EFR3B: variants seen among roughly 807,000 people sequenced by gnomAD.
EFR3B encodes protein EFR3 homolog B.
In EFR3B, 64 loss-of-function variants were observed where a neutral mutation model predicts 104.7. The observed-to-expected ratio is 0.61, with a 90% CI of 0.50 to 0.75. The LOEUF (loss-of-function observed/expected upper bound fraction) is 0.75, where lower values mean the gene tolerates loss of function less well. Among genes scored for constraint, EFR3B ranks in the 30% least tolerant of loss-of-function variants. EFR3B has a pLI of 0.00. For synonymous variants in EFR3B, 385 were observed against 417.9 expected, an observed-to-expected ratio of 0.92 and a Z score of 0.96; for missense variants, 750 against 1,078.5, an observed-to-expected ratio of 0.70 and a Z score of 4.27.
At chr2:25,103,233 C>A (rs1451395356) in intron 3 of EFR3B, among the ~76,000 whole-genome samples, 3 of 152,224 alleles carry the variant, frequency 2.0e-5, no homozygotes, top group Non-Finnish European at 2.9e-5. Context: ...AGGACAGAGC[C>A]TTTCCACAGT....
chr2:25,114,845 G>A lies in EFR3B; in HGVS notation c.364-6828G>A, dbSNP rs749678448. 1.1e-4 allele frequency among the ~76,000 whole-genome samples: 16 copies of A among 152,188 alleles called. No homozygotes were observed. Among genetic ancestry groups the A allele is most frequent in the Non-Finnish European group, 1.6e-4 (11 of 68,040 alleles). On this transcript the variant is annotated intron_variant, in intron 4 of 22. Coordinates refer to ENST00000403714, the MANE Select transcript of EFR3B (RefSeq NM_014971.2). The surrounding 1 kb of genome is among the most constrained non-coding windows in gnomAD (Gnocchi z 4.0). ...AGTTTACCCTGGGCCAAGTACATGC[G>A]ACCTGTAGATCCCCTGCCCCAGAGT... is the stretch of plus-strand genomic sequence containing the variant.
intron 4 of EFR3B, among the ~76,000 whole-genome samples, chr2:25,104,733 A>C (rs1199121568): frequency 6.6e-6 from 1 of 152,238 alleles, no homozygotes; most frequent in Non-Finnish European, 1.5e-5. Flanking sequence ...CTTCTGGCTC[A>C]GTTCTGCCCT....
chr2:25,128,268 C>G lies in EFR3B; in HGVS notation c.571C>G (p.Gln191Glu). The G allele has an allele frequency of 6.4e-7, 1 of 1,551,844 alleles. No individual in the cohort carries two copies. Among genetic ancestry groups the G allele is most frequent in the Non-Finnish European group, 8.7e-7 (1 of 1,147,044 alleles). ...DELQANIWDPQHMDKIVPSLL... is the reference protein window; with the variant it reads ...DELQANIWDPEHMDKIVPSLL... ...ACTGCAGGCCAATATCTGGGACCCA[C>G]AGCACATGGATAAGATCGTTCCATC... The change falls in exon 6 of 23, where the codon CAG (glutamine) becomes GAG (glutamate). Residue 191 changes from glutamine to glutamate, a missense_variant. Gln to Glu is a conservative substitution (Grantham distance 29). Coordinates refer to ENST00000403714, the MANE Select transcript of EFR3B (RefSeq NM_014971.2).
chr2:25,063,766 G>A (rs895390023), intron 1 of EFR3B, among the ~76,000 whole-genome samples: 7 of 152,222 alleles, frequency 4.6e-5, no homozygotes, highest in Non-Finnish European at 8.8e-5. Context: ...TTTGATGACA[G>A]TGTGGCAGTA....
chr2:25,145,951 C>T (rs1353051305), intron 19 of EFR3B: 1 of 152,096 alleles, frequency 6.6e-6, no homozygotes, highest in Non-Finnish European at 1.5e-5. Flanking sequence ...CAGCGTTGTA[C>T]ATTCTGTGGG....
Position 25,042,501 on chromosome 2 carries a change from G to A in EFR3B, c.7+182G>A, listed in dbSNP as rs1342209406. 1 of 1,207,866 alleles carries A rather than the reference G, an allele frequency of 8.3e-7. No individual in the cohort carries two copies. The highest frequency in any genetic ancestry group is 1.0e-6 in the Non-Finnish European group (1 of 972,780). 74.8% of individuals were successfully genotyped at this position (1,207,866 alleles called of 1,614,324 possible). On this transcript the variant is annotated intron_variant, in intron 1 of 22. Coordinates refer to ENST00000403714, the MANE Select transcript of EFR3B (RefSeq NM_014971.2). The surrounding 1 kb of genome is among the most constrained non-coding windows in gnomAD (Gnocchi z 5.4). ...TGCGCTGCGAGGACAAAGATGCCTCGGGCCGGGGACCCTGGGGTCCTCTCC... is the reference window on the plus strand; with the variant it reads ...TGCGCTGCGAGGACAAAGATGCCTCAGGCCGGGGACCCTGGGGTCCTCTCC...
At chr2:25,125,802 G>T (rs940053889) in intron 5 of EFR3B, among the ~76,000 whole-genome samples, 1 of 152,190 alleles carries the variant, frequency 6.6e-6, no homozygotes, top group Non-Finnish European at 1.5e-5. Flanking sequence ...CAAAAAAATA[G>T]CCAGGCGTGG....
At chr2:25,125,047 G>C (rs1242456609) in intron 5 of EFR3B, among the ~76,000 whole-genome samples, 1 of 152,214 alleles carries the variant, frequency 6.6e-6, no homozygotes, top group Non-Finnish European at 1.5e-5. Context: ...AACGGAGTGA[G>C]ACTCCGTGTC....
intron 1 of EFR3B, among the ~76,000 whole-genome samples, chr2:25,069,206 C>A (rs935570145): frequency 6.6e-6 from 1 of 152,160 alleles, no homozygotes; most frequent in African/African-American, 2.4e-5. Context: ...TTGCGCCTGG[C>A]CTGTACTGGA....
chr2:25,075,003 C>G (rs1181890367), intron 1 of EFR3B, among the ~76,000 whole-genome samples: 1 of 152,134 alleles, frequency 6.6e-6, no homozygotes, highest in East Asian at 1.9e-4. Context: ...GTCCTTTGTA[C>G]CCTTCACCCA....
intron 1 of EFR3B, among the ~76,000 whole-genome samples, chr2:25,055,987 G>A (rs79228952): frequency 0.02 from 3,018 of 152,304 alleles, 91 homozygotes; most frequent in African/African-American, 0.069. Flanking sequence ...TTGGTATGTA[G>A]TAGTAAGAGT....
intron 3 of EFR3B, among the ~76,000 whole-genome samples, chr2:25,097,601 A>T (rs1267137027): frequency 1.3e-5 from 2 of 152,144 alleles, no homozygotes; most frequent in African/African-American, 4.8e-5. Flanking sequence ...GGTGTTTAGC[A>T]TGGGGACGGC....
intron 1 of EFR3B, among the ~76,000 whole-genome samples, chr2:25,071,907 T>C (rs1668509401): frequency 6.6e-6 from 1 of 152,234 alleles, no homozygotes; most frequent in Non-Finnish European, 1.5e-5. Flanking sequence ...CTCCTGCCTG[T>C]GGCTTTCTCC....
chr2:25,127,707 CT>C (rs1035092262), intron 5 of EFR3B, among the ~76,000 whole-genome samples: 3 of 152,200 alleles, frequency 2.0e-5, no homozygotes, highest in Admixed American at 2.0e-4. Flanking sequence ...AGTTTCCCCT[CT>C]GGTTAACCCT....
At chr2:25,138,973 A>C (rs1040688168) in intron 15 of EFR3B, 86 bp from the exon 16 acceptor site, 1 of 1,500,016 alleles carries the variant, frequency 6.7e-7, no homozygotes, top group Non-Finnish European at 9.0e-7. Flanking sequence ...TTTCTAAAGA[A>C]GATTGGGAAG....
chr2:25,124,950 C>G (rs777213947), intron 5 of EFR3B, among the ~76,000 whole-genome samples: 2 of 151,702 alleles, frequency 1.3e-5, no homozygotes, highest in Non-Finnish European at 2.9e-5. Context: ...CCCAGCTACT[C>G]AGGTGGCTGA....
intron 1 of EFR3B, among the ~76,000 whole-genome samples, chr2:25,057,874 A>C (rs1558583826): frequency 6.6e-6 from 1 of 152,188 alleles, no homozygotes; most frequent in Admixed American, 6.5e-5. Context: ...GTGAAAAGGC[A>C]ACCTACAGAA....
rs1427560943 is a variant in EFR3B, at chr2:25,132,812, G to T, written c.1148-91G>T. On this transcript the variant is annotated intron_variant, in intron 10 of 22. Coordinates refer to ENST00000403714, the MANE Select transcript of EFR3B (RefSeq NM_014971.2). The stretch of plus-strand genomic sequence containing the variant: ...GGTCCTGGATTGACTCCGGAGAGAG[G>T]CAGCCCTCGCTCTCTGCAGCTGAAA... 4 of 1,052,722 alleles carry T rather than the reference G, an allele frequency of 3.8e-6. No homozygotes were observed. The Admixed American group carries it at 8.5e-5, about 22-fold the overall frequency. 65.2% of individuals were successfully genotyped at this position (1,052,722 alleles called of 1,614,324 possible).
intron 13 of EFR3B, 124 bp downstream of exon 13, chr2:25,135,763 G>C: frequency 8.8e-7 from 1 of 1,135,450 alleles, no homozygotes; most frequent in Non-Finnish European, 1.2e-6. Flanking sequence ...TGTGGGATCT[G>C]AGTATCCCAC....
Sources: allele counts gnomAD v4.1 joint callset (sites outside exome capture counted in the v4.1 genomes callset), GRCh38; gene constraint gnomAD v4.1.1; non-coding constraint Gnocchi (gnomAD v3.1); transcripts MANE v1.5; gene names NCBI Gene and HGNC (gene_info 2026-07-23, HGNC 2026-07-21).